The following EEA1 variants were observed in gnomAD, a reference collection of about 807,000 sequenced individuals.
EEA1 encodes the protein early endosome antigen 1.
Under a neutral mutation model 209.2 loss-of-function variants are expected in EEA1, and 111 were observed. The ratio of observed to expected loss-of-function variants is 0.53; its 90% CI spans 0.45 to 0.62. The LOEUF (loss-of-function observed/expected upper bound fraction) is 0.62, where lower values mean the gene tolerates loss of function less well. Among genes scored for constraint, EEA1 ranks in the 20% least tolerant of loss-of-function variants. EEA1 has a pLI of 0.00. For synonymous variants in EEA1, 536 were observed against 540.6 expected (o/e 0.99, Z 0.12); for missense variants, 1,343 against 1,530.8 (o/e 0.88, Z 2.05).
rs761788003 is a variant in EEA1, at chr12:92,787,968, A to C, written c.3049T>G (p.Leu1017Val). 5 of 1,613,110 alleles carry C rather than the reference A, an allele frequency of 3.1e-6. No homozygotes were observed. The highest frequency in any genetic ancestry group is 4.2e-6 in the Non-Finnish European group (5 of 1,179,624). ...LAAEKEKISV[L>V]QNNYEKSQET... ...TGACTTTTTTCATAGTTGTTTTGTA[A>C]TACTGATATTTTCTCTTTCTCTGCT... The change falls in exon 22 of 29, where the codon TTA becomes GTA. Residue 1017 changes from leucine (L) to valine (V), a missense_variant. Physicochemically the swap from Leu to Val is conservative, Grantham distance 32. Around this residue, in one of 3 missense-constraint regions of EEA1, gnomAD observed 1,307 missense variants for 1,465.5 expected, o/e 0.89. Coordinates refer to ENST00000322349, the MANE Select transcript of EEA1 (RefSeq NM_003566.4).
chr12:92,834,706 TC>T (rs1876834315), intron 10 of EEA1, among the ~76,000 whole-genome samples: 1 of 151,836 alleles, frequency 6.6e-6, no homozygotes, highest in Non-Finnish European at 1.5e-5. Context: ...GCCAAGAAAA[TC>T]ACAGAACAAA....
At chr12:92,813,236 A>G in intron 15 of EEA1, 143 bp from the exon 16 acceptor site, 1 of 453,978 alleles carries the variant, frequency 2.2e-6, no homozygotes, top group African/African-American at 2.0e-5. Flanking sequence ...ATTGAAAAAT[A>G]TGTATGTGAA....
chr12:92,891,592 A>C (rs199918099), intron 2 of EEA1, 37 bp downstream of exon 2: 491 of 1,449,466 alleles, frequency 3.4e-4, no homozygotes, highest in Non-Finnish European at 4.4e-4. Flanking sequence ...ATTTTCCCTT[A>C]ATATTGAATT....
intron 12 of EEA1, among the ~76,000 whole-genome samples, chr12:92,827,103 C>T (rs954397925): frequency 6.6e-6 from 1 of 152,112 alleles, no homozygotes; most frequent in Non-Finnish European, 1.5e-5. Flanking sequence ...CACCCGTAAT[C>T]CCAGCACTTT....
Position 92,776,921 on chromosome 12 carries a change from T to C in EEA1, c.4036A>G (p.Asn1346Asp). The change falls in exon 28 of 29, where the codon AAT (asparagine) becomes GAT (aspartate). Residue 1346 changes from asparagine (N) to aspartate (D), a missense_variant. This residue lies in a region of EEA1 where 1,307 missense variants were observed against 1,465.5 expected (regional missense o/e 0.89). Coordinates refer to ENST00000322349, the MANE Select transcript of EEA1 (RefSeq NM_003566.4). ...TCATTGTCTTCGGCCCACTTTCTAT[T>C]CAACGCTTGTGTATGTTTGATCTGT... ...SLQIKHTQAL[N>D]RKWAEDNEVQ... The C allele has an allele frequency of 1.2e-6, 2 of 1,611,802 alleles. No homozygotes were observed. The highest frequency in any genetic ancestry group is 1.7e-6 in the Non-Finnish European group (2 of 1,178,382).
At chr12:92,834,383 A>G (rs1876812639) in intron 10 of EEA1, among the ~76,000 whole-genome samples, 2 of 151,996 alleles carry the variant, frequency 1.3e-5, no homozygotes, top group Admixed American at 1.3e-4. Context: ...ATCTCTACCA[A>G]AAGAAAAACA....
chr12:92,775,969 T>A lies in EEA1; in HGVS notation c.*42A>T, dbSNP rs1444335783. 11 of 1,593,732 alleles carry A rather than the reference T, an allele frequency of 6.9e-6. No homozygotes were observed. In the Admixed American group the frequency reaches 1.5e-4, roughly 22 times the overall value. The stretch of plus-strand genomic sequence containing the variant: ...CTCTATTAAGTACATTTATTAAAAA[T>A]CTAATGTTAGTGTAATATTACTCTG... On this transcript the variant is annotated 3_prime_UTR_variant, in exon 29 of 29. Coordinates refer to ENST00000322349, the MANE Select transcript of EEA1 (RefSeq NM_003566.4).
intron 1 of EEA1, among the ~76,000 whole-genome samples, chr12:92,893,998 T>C (rs1879765475): frequency 6.6e-6 from 1 of 152,236 alleles, no homozygotes; most frequent in Admixed American, 6.5e-5. Flanking sequence ...GCAAGTCTAT[T>C]CCTGCCATTT....
chr12:92,845,747 T>C (rs1279641541), intron 9 of EEA1, among the ~76,000 whole-genome samples: 8 of 152,190 alleles, frequency 5.3e-5, no homozygotes, highest in African/African-American at 1.4e-4. Context: ...TACAGTCTGT[T>C]GTTTGATTTC....
rs1390803170 is a variant in EEA1 at position 92,884,384 on chromosome 12, C to A, written c.117+7245G>T. On this transcript the variant is annotated intron_variant, in intron 2 of 28. Coordinates refer to ENST00000322349, the MANE Select transcript of EEA1 (RefSeq NM_003566.4). Reference sequence around the variant, plus strand: ...TGGTTCTAGAAACTTTGGCGGTGGTCGTGGAGGTGGTTTTGGCAGGAATGA... The same window carrying A: ...TGGTTCTAGAAACTTTGGCGGTGGTAGTGGAGGTGGTTTTGGCAGGAATGA... 1.4e-5 allele frequency: 17 copies of A among 1,239,884 alleles called. No individual in the cohort carries two copies. In the East Asian group the frequency reaches 3.7e-4, roughly 27 times the overall value. The allele number at this position is 1,239,884 out of a possible 1,614,324, so 76.8% of individuals were successfully genotyped here.
intron 2 of EEA1, among the ~76,000 whole-genome samples, chr12:92,872,980 GA>G (rs1878720441): frequency 6.6e-6 from 1 of 152,090 alleles, no homozygotes; most frequent in Admixed American, 6.5e-5. Flanking sequence ...AATAGGATGA[GA>G]GACTAGAATT....
Position 92,780,301 on chromosome 12 carries a change from G to A in EEA1, c.3447C>T (p.Ser1149=). 6.3e-7 allele frequency: 1 copy of A among 1,597,634 alleles called. No homozygotes were observed. Among genetic ancestry groups the A allele is most frequent in the South Asian group, 1.1e-5 (1 of 87,076 alleles). ...ATACCTTTATGCTTTCTAGTTTGTG[G>A]GACTTGAGTTCTTCGTTTAGTTTAG... ...EITKLNEELK[S]HKLESIKEIT... Residue 1149 remains serine, a synonymous_variant, in exon 24 of 29, where the codon TCC becomes TCT. Transcript: ENST00000322349.
chr12:92,917,835 G>A (rs1880838812), intron 1 of EEA1, among the ~76,000 whole-genome samples: 1 of 82,534 alleles, frequency 1.2e-5, no homozygotes, highest in African/African-American at 5.1e-5. Flanking sequence ...TCAGTGTGCT[G>A]TATTCAGGAA....
chr12:92,776,921 T>G lies in EEA1; in HGVS notation c.4036A>C (p.Asn1346His), dbSNP rs754419885. ...TCATTGTCTTCGGCCCACTTTCTAT[T>G]CAACGCTTGTGTATGTTTGATCTGT... ...SLQIKHTQAL[N>H]RKWAEDNEVQ... Residue 1346 changes from asparagine to histidine, a missense_variant, in exon 28 of 29, where the codon AAT (asparagine) becomes CAT (histidine). Transcript: ENST00000322349. 89 of 1,611,684 alleles carry G rather than the reference T, an allele frequency of 5.5e-5. No homozygotes were observed. Among genetic ancestry groups the G allele is most frequent in the Non-Finnish European group, 7.6e-5 (89 of 1,178,390 alleles).
intron 13 of EEA1, among the ~76,000 whole-genome samples, chr12:92,822,533 C>T (rs1190228213): frequency 6.6e-6 from 1 of 150,620 alleles, no homozygotes; most frequent in Non-Finnish European, 1.5e-5. Context: ...GTGCTGATTA[C>T]CCCCAACTTT....
chr12:92,841,919 C>T (rs559613711), intron 10 of EEA1, among the ~76,000 whole-genome samples: 203 of 152,256 alleles, frequency 1.3e-3, no homozygotes, highest in Non-Finnish European at 2.3e-3. Flanking sequence ...ATTTGTACAG[C>T]CATGTTGAAA....
At chr12:92,880,848 G>C (rs1361645817) in intron 2 of EEA1, among the ~76,000 whole-genome samples, 1 of 152,110 alleles carries the variant, frequency 6.6e-6, no homozygotes, top group Admixed American at 6.6e-5. Flanking sequence ...CTTCTGCCAA[G>C]TACAGCTAAA....
At chr12:92,790,901 C>G (rs1039409047) in intron 21 of EEA1, among the ~76,000 whole-genome samples, 3 of 152,168 alleles carry the variant, frequency 2.0e-5, no homozygotes, top group Admixed American at 6.5e-5. Context: ...CAAAGGGAAG[C>G]CCATCAGACT....
intron 9 of EEA1, among the ~76,000 whole-genome samples, chr12:92,848,274 AG>A (rs1592734418): frequency 6.6e-6 from 1 of 151,280 alleles, no homozygotes; most frequent in East Asian, 1.9e-4. Context: ...CCCTGTTTGC[AG>A]GAGGAGACGA....
Sources: allele counts gnomAD v4.1 joint callset (sites outside exome capture counted in the v4.1 genomes callset), GRCh38; gene constraint gnomAD v4.1.1; regional missense constraint gnomAD v4.1.1; transcripts MANE v1.5; gene names NCBI Gene and HGNC (gene_info 2026-07-23, HGNC 2026-07-21).